The following ESYT2 variants were observed in gnomAD, a reference collection of about 807,000 sequenced individuals.
ESYT2 encodes the protein extended synaptotagmin 2.
A neutral mutation model predicts 107.2 loss-of-function variants in ESYT2; 54 were observed. The observed-to-expected ratio is 0.50, with a 90% CI of 0.40 to 0.63. The LOEUF is 0.63. Ranked by LOEUF, ESYT2 falls within the 30% of genes least tolerant of loss-of-function variation. The pLI, the probability that ESYT2 is intolerant of heterozygous loss-of-function variation, is 0.00. For missense variants in ESYT2, 1,020 were observed against 1,094.5 expected (o/e 0.93, Z 0.96); for synonymous variants, 491 against 434.1 (o/e 1.13, Z -1.63).
chr7:158,812,329 G>C (rs1031356690), intron 1 of ESYT2, among the ~76,000 whole-genome samples: 1 of 152,196 alleles, frequency 6.6e-6, no homozygotes, highest in Non-Finnish European at 1.5e-5. Flanking sequence ...ACTGAATGTG[G>C]AGGTGGAAGA....
chr7:158,774,871 G>A (rs553723552), intron 6 of ESYT2, among the ~76,000 whole-genome samples: 2 of 152,274 alleles, frequency 1.3e-5, no homozygotes, highest in East Asian at 3.9e-4. Flanking sequence ...TGAGACACAG[G>A]GGCCACATGA....
intron 1 of ESYT2, among the ~76,000 whole-genome samples, chr7:158,807,111 C>T (rs888504911): frequency 4.6e-5 from 7 of 151,622 alleles, no homozygotes; most frequent in African/African-American, 1.2e-4. Flanking sequence ...ATTAGCCAAC[C>T]GTGGTGGTGG....
chr7:158,824,633 C>A (rs1840385296), intron 1 of ESYT2, among the ~76,000 whole-genome samples: 1 of 152,084 alleles, frequency 6.6e-6, no homozygotes, highest in Admixed American at 6.5e-5. Context: ...TGCTTTAATT[C>A]TCAATAATCC....
At chr7:158,781,627 GAGA>G (rs1468502641) in intron 6 of ESYT2, among the ~76,000 whole-genome samples, 1 of 80,384 alleles carries the variant, frequency 1.2e-5, no homozygotes, top group Non-Finnish European at 3.8e-5. Flanking sequence ...GAACGAGTGT[GAGA>G]ACAAAGTGAG....
rs577406289 is a variant in ESYT2 at position 158,731,349 on chromosome 7, T to G, written c.*2858A>C. On this transcript the variant is annotated 3_prime_UTR_variant, in exon 23 of 23. Coordinates refer to ENST00000275418, the MANE Select transcript of ESYT2 (RefSeq NM_001367773.1). ...CGGAGTCTCACTCTGTTGCCCAGGC[T>G]GGAGTGCAGTGGTGCGATCTTGGCT... The G allele has an allele frequency of 1.4e-4, 21 of 152,476 alleles. No individual in the cohort carries two copies. The highest frequency in any genetic ancestry group is 4.8e-4 in the African/African-American group (20 of 41,604). 9.4% of individuals were successfully genotyped at this position (152,476 alleles called of 1,614,324 possible). A position where few individuals can be genotyped will look rare whatever the true frequency, so the allele number is the denominator to read the frequency against.
At chr7:158,802,826 G>A (rs1158317554) in intron 1 of ESYT2, among the ~76,000 whole-genome samples, 7 of 152,262 alleles carry the variant, frequency 4.6e-5, no homozygotes, top group African/African-American at 1.2e-4. Context: ...AAATTTAAAA[G>A]ATAAATGGAT....
At chr7:158,738,377 A>T (rs1049421477) in intron 19 of ESYT2, among the ~76,000 whole-genome samples, 12 of 127,032 alleles carry the variant, frequency 9.4e-5, no homozygotes, top group Non-Finnish European at 1.7e-4. Context: ...ACACACACAC[A>T]CTCTTCCTGC....
chr7:158,764,522 C>T (rs1023803462), intron 9 of ESYT2, among the ~76,000 whole-genome samples, 155 bp downstream of exon 9: 1 of 152,112 alleles, frequency 6.6e-6, no homozygotes. Flanking sequence ...AGAGAAGGTA[C>T]GACACTTTTT....
chr7:158,731,209 A>T lies in ESYT2; in HGVS notation c.*2998T>A. 1 of 152,362 alleles carries T rather than the reference A, an allele frequency of 6.6e-6. No homozygotes were observed. The highest frequency in any genetic ancestry group is 2.1e-4 in the South Asian group (1 of 4,826). The allele number at this position is 152,362 out of a possible 1,614,324, so 9.4% of individuals were successfully genotyped here. ...TGCATTTGGCTTATGTGCCTGAAAA[A>T]GAAGGGCCGACCTCTTGATAAAGAA... On this transcript the variant is annotated 3_prime_UTR_variant, in exon 23 of 23. Coordinates refer to ENST00000275418, the MANE Select transcript of ESYT2 (RefSeq NM_001367773.1).
At chr7:158,797,222 C>T (rs1839491369) in intron 3 of ESYT2, among the ~76,000 whole-genome samples, 1 of 152,208 alleles carries the variant, frequency 6.6e-6, no homozygotes. Context: ...TCATGGCTCA[C>T]TGCACTCTCC....
chr7:158,747,108 G>C (rs1837429290), intron 16 of ESYT2, among the ~76,000 whole-genome samples: 1 of 152,088 alleles, frequency 6.6e-6, no homozygotes, highest in Non-Finnish European at 1.5e-5. Flanking sequence ...CACGTTGGGA[G>C]GCCACAGTGG....
intron 21 of ESYT2, 140 bp downstream of exon 21, chr7:158,735,363 A>C: frequency 1.6e-6 from 1 of 643,340 alleles, no homozygotes; most frequent in Non-Finnish European, 2.7e-6. Context: ...CTGTCTTTAT[A>C]GCCCATGATT....
chr7:158,811,787 C>T (rs561344749), intron 1 of ESYT2, among the ~76,000 whole-genome samples: 5 of 152,234 alleles, frequency 3.3e-5, no homozygotes, highest in African/African-American at 4.8e-5. Context: ...AGGAGACTGG[C>T]GGGACAAGAA....
chr7:158,812,894 C>T (rs1046121223), intron 1 of ESYT2, among the ~76,000 whole-genome samples: 6 of 152,138 alleles, frequency 3.9e-5, no homozygotes, highest in African/African-American at 1.4e-4. Context: ...CCCACAGATA[C>T]AAAGCAGATG....
chr7:158,803,240 G>A (rs1256612792), intron 1 of ESYT2, among the ~76,000 whole-genome samples: 2 of 152,244 alleles, frequency 1.3e-5, no homozygotes, highest in Non-Finnish European at 2.9e-5. Context: ...TACACCACTT[G>A]GCTAGTTCTA....
chr7:158,763,805 A>G (rs1042109634), intron 9 of ESYT2, among the ~76,000 whole-genome samples: 1 of 152,152 alleles, frequency 6.6e-6, no homozygotes, highest in Non-Finnish European at 1.5e-5. Context: ...GAGACAGACC[A>G]AAGATCCAGG....
chr7:158,827,024 G>A (rs1441907035), intron 1 of ESYT2, among the ~76,000 whole-genome samples: 4 of 151,054 alleles, frequency 2.6e-5, no homozygotes, highest in African/African-American at 7.3e-5. Flanking sequence ...TTAGCTGGGC[G>A]TGATGGTGCA....
At chr7:158,755,330 T>TGTTTTACGGA (rs1837717062) in intron 13 of ESYT2, among the ~76,000 whole-genome samples, 1 of 152,332 alleles carries the variant, frequency 6.6e-6, no homozygotes, top group African/African-American at 2.4e-5. Context: ...AGTTCACATT[T>TGTTTTACGGA]GTTTTACGGA....
chr7:158,771,569 T>G (rs899591811), intron 7 of ESYT2, among the ~76,000 whole-genome samples: 8 of 152,204 alleles, frequency 5.3e-5, no homozygotes, highest in African/African-American at 1.9e-4. Context: ...TGCTTGTAGC[T>G]GCAGGCACAG....
Sources: allele counts gnomAD v4.1 joint callset (sites outside exome capture counted in the v4.1 genomes callset), GRCh38; gene constraint gnomAD v4.1.1; transcripts MANE v1.5; gene names NCBI Gene and HGNC (gene_info 2026-07-23, HGNC 2026-07-21).